Variants in DCBLD2 observed in about 807,000 individuals in gnomAD.
DCBLD2 encodes discoidin, CUB and LCCL domain containing 2, also known as discoidin, CUB and LCCL domain-containing protein 2.
DCBLD2 carries 54 observed loss-of-function variants against 86.8 expected under a neutral mutation model. That is an observed-to-expected ratio of 0.62 (90% CI 0.50 to 0.78). The LOEUF (loss-of-function observed/expected upper bound fraction) is 0.78. DCBLD2 is among the 30% of genes least tolerant of loss of function. The pLI, the probability that DCBLD2 is intolerant of heterozygous loss-of-function variation, is 0.00. For missense variants in DCBLD2, 908 were observed against 954.2 expected (o/e 0.95, Z 0.64); for synonymous variants, 354 against 341.3 (o/e 1.04, Z -0.41).
At chr3:98,878,617 A>G (rs1446541188) in intron 2 of DCBLD2, among the ~76,000 whole-genome samples, 2 of 152,186 alleles carry the variant, frequency 1.3e-5, no homozygotes, top group African/African-American at 4.8e-5. Context: ...CTATTCTTGA[A>G]TTATCTTTAT....
intron 6 of DCBLD2, 137 bp downstream of exon 6, chr3:98,822,091 A>T (rs775955836): frequency 1.9e-6 from 2 of 1,048,748 alleles, no homozygotes; most frequent in Non-Finnish European, 3.0e-6. Flanking sequence ...CACTAATGTG[A>T]GTGCTTACTG....
In DCBLD2 at chr3:98,901,164, G is replaced by GT; in HGVS notation, c.162dup (p.Leu55ThrfsTer16). The stretch of plus-strand genomic sequence containing the variant: ...TCCTCGAGCAGCAGGAGCAGGACAA[G>GT]TAAGAGCAGGAGGAACAGAGGCATG... On this transcript the variant is annotated frameshift_variant, in exon 1 of 16. Coordinates refer to ENST00000326840, the MANE Select transcript of DCBLD2 (RefSeq NM_080927.4). LOFTEE classifies it high-confidence loss of function. 1 of 1,538,562 alleles carries GT rather than the reference G, an allele frequency of 6.5e-7. No homozygotes were observed. Among genetic ancestry groups the GT allele is most frequent in the Non-Finnish European group, 8.7e-7 (1 of 1,146,834 alleles).
At position 98,811,491 on chromosome 3, in the gene DCBLD2, G is replaced by T. The variant is rs1941938228; in HGVS notation, c.1427C>A (p.Thr476Lys). 1 of 1,613,462 alleles carries T rather than the reference G, an allele frequency of 6.2e-7. No individual in the cohort carries two copies. The highest frequency in any genetic ancestry group is 1.3e-5 in the African/African-American group (1 of 74,898). Reference protein sequence around the residue: ...PRNSNDLKNTTAPPKIAKGRA... With the variant: ...PRNSNDLKNTKAPPKIAKGRA... The stretch of plus-strand genomic sequence containing the variant: ...ACCTTTGGCTATTTTTGGAGGGGCT[G>T]TAGTGTTTTTGAGGTCATTGCTGTT... The change falls in exon 11 of 16, where the codon ACA becomes AAA. Residue 476 changes from threonine to lysine, a missense_variant. By Grantham distance (78) the Thr-to-Lys change is moderately conservative. Transcript: ENST00000326840.
chr3:98,847,323 G>A (rs1478835709), intron 3 of DCBLD2, among the ~76,000 whole-genome samples: 1 of 152,214 alleles, frequency 6.6e-6, no homozygotes, highest in Non-Finnish European at 1.5e-5. Flanking sequence ...CGTGGCAGAG[G>A]CAGGGATACC....
chr3:98,882,419 CTTTT>C (rs886350011), intron 1 of DCBLD2, among the ~76,000 whole-genome samples: 10 of 149,064 alleles, frequency 6.7e-5, no homozygotes, highest in South Asian at 2.1e-4. Context: ...AATGGAAGCT[CTTTT>C]TTTTTTAACT....
intron 2 of DCBLD2, among the ~76,000 whole-genome samples, chr3:98,862,705 T>A (rs1244687945): frequency 2.6e-5 from 4 of 152,226 alleles, no homozygotes; most frequent in Non-Finnish European, 4.4e-5. Context: ...AAATCATGTA[T>A]TGATGAGACG....
intron 2 of DCBLD2, among the ~76,000 whole-genome samples, chr3:98,856,902 G>A (rs1025512805): frequency 2.0e-5 from 3 of 152,198 alleles, no homozygotes; most frequent in African/African-American, 7.2e-5. Context: ...GAATGTGGCT[G>A]AAATGAAAGG....
At chr3:98,801,882 A>C in intron 13 of DCBLD2, 2 of 411,262 alleles carry the variant, frequency 4.9e-6, no homozygotes, top group Non-Finnish European at 8.8e-6. Flanking sequence ...AAAGGACAGG[A>C]ACTCATCATT....
intron 2 of DCBLD2, 34 bp from the exon 3 acceptor site, chr3:98,849,632 G>A (rs773808550): frequency 1.3e-5 from 20 of 1,594,794 alleles, no homozygotes; most frequent in East Asian, 2.3e-5. Flanking sequence ...TATTTGGGAT[G>A]ACTCTCATGA....
chr3:98,853,066 A>G (rs2439235), intron 2 of DCBLD2, among the ~76,000 whole-genome samples: 1 of 152,172 alleles, frequency 6.6e-6, no homozygotes, highest in Admixed American at 6.5e-5. Flanking sequence ...TAATTTATTA[A>G]GAAGCAAAGT....
intron 1 of DCBLD2, among the ~76,000 whole-genome samples, chr3:98,899,703 T>C (rs564542691): frequency 2.6e-4 from 39 of 152,300 alleles, no homozygotes; most frequent in Non-Finnish European, 4.9e-4. Context: ...TGGAGTAATA[T>C]GCCCTCCTGC....
intron 13 of DCBLD2, among the ~76,000 whole-genome samples, chr3:98,803,288 G>T (rs1475285610): frequency 2.0e-5 from 3 of 152,076 alleles, no homozygotes; most frequent in African/African-American, 4.8e-5. Flanking sequence ...GGATTCCTAG[G>T]TATTTTATTC....
rs185383055 is a variant in DCBLD2, at chr3:98,863,929, G to C, written c.434-14331C>G. ...ATCAGAGTGAACAGGCAACCTACAGGATGGGAGAAAATTTTTGCAATCTAC... is the reference window on the plus strand; with the variant it reads ...ATCAGAGTGAACAGGCAACCTACAGCATGGGAGAAAATTTTTGCAATCTAC... On this transcript the variant is annotated intron_variant, in intron 2 of 15. Transcript: ENST00000326840. 6.6e-5 allele frequency among the ~76,000 whole-genome samples: 10 copies of C among 152,068 alleles called. No homozygotes were observed. The East Asian group carries it at 1.9e-3, about 29-fold the overall frequency.
rs1254900322 is a variant in DCBLD2, at chr3:98,799,336, C to T, written c.*36G>A. On this transcript the variant is annotated 3_prime_UTR_variant, in exon 16 of 16. Coordinates refer to ENST00000326840, the MANE Select transcript of DCBLD2 (RefSeq NM_080927.4). ...ATAATTAAAAAAAAAAGGCCATGTGCTTTAAAACGATGCTTTGTAAAAAGC... is the reference window on the plus strand; with the variant it reads ...ATAATTAAAAAAAAAAGGCCATGTGTTTTAAAACGATGCTTTGTAAAAAGC... The T allele has an allele frequency of 1.3e-6, 2 of 1,545,178 alleles. No individual in the cohort carries two copies.
chr3:98,878,461 GT>G (rs771156907), intron 2 of DCBLD2, among the ~76,000 whole-genome samples: 2 of 151,660 alleles, frequency 1.3e-5, no homozygotes, highest in Non-Finnish European at 2.9e-5. Context: ...TTTAATGCTT[GT>G]TTTCTAAAGG....
chr3:98,828,126 T>C (rs1942255998), intron 3 of DCBLD2, among the ~76,000 whole-genome samples: 1 of 152,018 alleles, frequency 6.6e-6, no homozygotes, highest in Admixed American at 6.6e-5. Context: ...AAAAAATATA[T>C]GAGAATATCA....
At position 98,868,891 on chromosome 3, in the gene DCBLD2, C is replaced by T. The variant is rs553933103; in HGVS notation, c.433+12649G>A. Among the ~76,000 whole-genome samples the T allele has an allele frequency of 2.0e-5, 3 of 152,232 alleles. No homozygotes were observed. In the South Asian group the frequency reaches 6.2e-4, roughly 32 times the overall value. On this transcript the variant is annotated intron_variant, in intron 2 of 15. Coordinates refer to ENST00000326840, the MANE Select transcript of DCBLD2 (RefSeq NM_080927.4). The stretch of plus-strand genomic sequence containing the variant: ...GGTTTGATGGACTCTTAGGTTGATT[C>T]CGTATCTTTTCCATGGTGAATTCTA...
intron 1 of DCBLD2, among the ~76,000 whole-genome samples, chr3:98,887,347 G>A (rs896375927): frequency 6.6e-6 from 1 of 151,910 alleles, no homozygotes; most frequent in African/African-American, 2.4e-5. Context: ...GTTAACTAAC[G>A]TATCTGATTT....
chr3:98,863,301 T>C (rs987092177), intron 2 of DCBLD2, among the ~76,000 whole-genome samples: 3 of 152,120 alleles, frequency 2.0e-5, no homozygotes, highest in Non-Finnish European at 4.4e-5. Context: ...AGGTAATTTA[T>C]AGATTCAATG....
Sources: gnomAD v4.1 joint callset for allele counts (sites outside exome capture counted in the v4.1 genomes callset) on GRCh38, gnomAD v4.1.1 for gene constraint, MANE v1.5 for transcripts, NCBI Gene and HGNC (gene_info 2026-07-23, HGNC 2026-07-21) for gene names.